The following HCN1 variants were observed in gnomAD, a reference collection of about 807,000 sequenced individuals.
HCN1 encodes the protein potassium/sodium hyperpolarization-activated cyclic nucleotide-gated channel 1.
In HCN1, 13 loss-of-function variants were observed where a neutral mutation model predicts 78.9. The ratio of observed to expected loss-of-function variants is 0.16; its 90% CI spans 0.11 to 0.26. HCN1 has a LOEUF of 0.26. Ranked by LOEUF, HCN1 falls within the 10% of genes least tolerant of loss-of-function variation. The pLI is 1.00. For missense variants in HCN1, 810 were observed against 1,154.3 expected, an observed-to-expected ratio of 0.70 and a Z score of 4.32; for synonymous variants, 552 against 455.5, an observed-to-expected ratio of 1.21 and a Z score of -2.70.
At chr5:45,304,558 C>A (rs1745690514) in intron 5 of HCN1, among the ~76,000 whole-genome samples, 1 of 152,044 alleles carries the variant, frequency 6.6e-6, no homozygotes. Flanking sequence ...TGCCTGTAAT[C>A]CCAGCTACTC....
intron 2 of HCN1, among the ~76,000 whole-genome samples, chr5:45,498,523 G>A (rs1020780871): frequency 6.6e-6 from 1 of 152,046 alleles, no homozygotes; most frequent in Non-Finnish European, 1.5e-5. Flanking sequence ...CTTTGCCTTT[G>A]GTTTGAATCT....
chr5:45,591,799 C>T (rs1744370089), intron 2 of HCN1, among the ~76,000 whole-genome samples: 1 of 151,992 alleles, frequency 6.6e-6, no homozygotes, highest in Non-Finnish European at 1.5e-5. Flanking sequence ...TTAATGAAGC[C>T]CAGGTTATCA....
chr5:45,429,880 G>T (rs898396508), intron 3 of HCN1, among the ~76,000 whole-genome samples: 3 of 152,150 alleles, frequency 2.0e-5, no homozygotes, highest in African/African-American at 7.2e-5. Context: ...TTTTCATGGG[G>T]CATAGGGGAG....
chr5:45,359,166 G>T (rs1000993177), intron 4 of HCN1, among the ~76,000 whole-genome samples: 5 of 151,958 alleles, frequency 3.3e-5, no homozygotes, highest in Non-Finnish European at 5.9e-5. Flanking sequence ...TTGTGTTATA[G>T]AGTCAGATTA....
At chr5:45,314,195 T>C (rs1745923489) in intron 5 of HCN1, among the ~76,000 whole-genome samples, 1 of 152,112 alleles carries the variant, frequency 6.6e-6, no homozygotes, top group African/African-American at 2.4e-5. Flanking sequence ...CAGAAGACAG[T>C]GAAGGCCCAT....
intron 2 of HCN1, among the ~76,000 whole-genome samples, chr5:45,556,463 A>G (rs1192334130): frequency 6.6e-6 from 1 of 151,964 alleles, no homozygotes; most frequent in Non-Finnish European, 1.5e-5. Flanking sequence ...GTTATTAGTC[A>G]TATTTCACCA....
intron 2 of HCN1, among the ~76,000 whole-genome samples, chr5:45,504,223 T>C (rs1342444998): frequency 1.3e-5 from 2 of 152,144 alleles, no homozygotes; most frequent in Admixed American, 1.3e-4. Flanking sequence ...TTACATTAGG[T>C]ATATCTCCTA....
intron 1 of HCN1, among the ~76,000 whole-genome samples, chr5:45,684,528 C>A (rs2112093791): frequency 6.6e-6 from 1 of 152,154 alleles, no homozygotes; most frequent in Middle Eastern, 3.4e-3. Flanking sequence ...AATGACTATT[C>A]TATAGGAAAA....
intron 2 of HCN1, among the ~76,000 whole-genome samples, chr5:45,463,400 T>G (rs1741205422): frequency 6.6e-6 from 1 of 151,920 alleles, no homozygotes; most frequent in South Asian, 2.1e-4. Context: ...AGCAAAAAGA[T>G]TTTTTTCGTG....
At chr5:45,553,668 A>C (rs1256753372) in intron 2 of HCN1, among the ~76,000 whole-genome samples, 1 of 151,962 alleles carries the variant, frequency 6.6e-6, no homozygotes, top group Admixed American at 6.6e-5. Flanking sequence ...AATATGACAT[A>C]GTATTTGCAT....
At chr5:45,656,947 GTA>G (rs1339674516) in intron 1 of HCN1, among the ~76,000 whole-genome samples, 1 of 151,812 alleles carries the variant, frequency 6.6e-6, no homozygotes, top group Non-Finnish European at 1.5e-5. Flanking sequence ...CCCTAAAACA[GTA>G]TGTTTAAAGA....
chr5:45,314,578 A>C (rs1029193688), intron 5 of HCN1, among the ~76,000 whole-genome samples: 7 of 152,180 alleles, frequency 4.6e-5, no homozygotes, highest in Non-Finnish European at 8.8e-5. Context: ...AAATTGGATA[A>C]AAAGTCAAGA....
chr5:45,409,246 A>C (rs1739982686), intron 3 of HCN1, among the ~76,000 whole-genome samples: 1 of 152,140 alleles, frequency 6.6e-6, no homozygotes, highest in Non-Finnish European at 1.5e-5. Flanking sequence ...TGAGGGGATA[A>C]ATTTCTTACC....
chr5:45,659,061 A>T (rs1219381721), intron 1 of HCN1, among the ~76,000 whole-genome samples: 2 of 152,052 alleles, frequency 1.3e-5, no homozygotes, highest in African/African-American at 2.4e-5. Context: ...CCTGTCTGAC[A>T]GCTTTGAAGA....
chr5:45,551,380 C>A (rs912441988), intron 2 of HCN1, among the ~76,000 whole-genome samples: 1 of 151,514 alleles, frequency 6.6e-6, no homozygotes, highest in African/African-American at 2.4e-5. Context: ...AATCTCCCAA[C>A]CTTTTTTTTT....
In HCN1 at chr5:45,318,945, T is replaced by C. The variant is rs991797714; in HGVS notation, c.1378-15106A>G. On this transcript the variant is annotated intron_variant, in intron 5 of 7. Coordinates refer to ENST00000303230, the MANE Select transcript of HCN1 (RefSeq NM_021072.4). ...TGAAAGTCACATAAATGAGGTTGCA[T>C]ACTGTGTAGTCTTTTGTGTCTTGGT... 2.6e-5 allele frequency among the ~76,000 whole-genome samples: 4 copies of C among 152,008 alleles called. No homozygotes were observed. In the East Asian group the frequency reaches 7.7e-4, roughly 29 times the overall value.
rs1178167283 is a variant in HCN1 at position 45,258,282 on chromosome 5, C to T, written c.*3639G>A. The T allele has an allele frequency of 2.6e-5, 4 of 152,148 alleles. No homozygotes were observed. In the East Asian group the frequency reaches 7.7e-4, roughly 29 times the overall value. The allele number at this position is 152,148 out of a possible 1,614,324, so 9.4% of individuals were successfully genotyped here. A position where few individuals can be genotyped will look rare whatever the true frequency, so the allele number is the denominator to read the frequency against. ...GAAATAAATCATCTAAAATTTTAAA[C>T]ATGTCATATTGTTTAAATCATTCTC... On this transcript the variant is annotated 3_prime_UTR_variant, in exon 8 of 8. Coordinates refer to ENST00000303230, the MANE Select transcript of HCN1 (RefSeq NM_021072.4).
chr5:45,388,170 C>G (rs1279835256), intron 4 of HCN1, among the ~76,000 whole-genome samples: 1 of 152,092 alleles, frequency 6.6e-6, no homozygotes, highest in Non-Finnish European at 1.5e-5. Context: ...CTAAGAAATT[C>G]CAAGCATCTT....
chr5:45,287,185 T>C (rs1453103110), intron 6 of HCN1, among the ~76,000 whole-genome samples: 1 of 151,858 alleles, frequency 6.6e-6, no homozygotes, highest in African/African-American at 2.4e-5. Flanking sequence ...AGAGTAACAT[T>C]ATTGGTAACA....
Sources: gnomAD v4.1 joint callset for allele counts (sites outside exome capture counted in the v4.1 genomes callset) on GRCh38, gnomAD v4.1.1 for gene constraint, MANE v1.5 for transcripts, NCBI Gene and HGNC (gene_info 2026-07-23, HGNC 2026-07-21) for gene names.